The following CFTR variants were observed in gnomAD, a reference collection of about 807,000 sequenced individuals.
The protein encoded by CFTR is cystic fibrosis transmembrane conductance regulator.
A neutral mutation model predicts 171.6 loss-of-function variants in CFTR; 181 were observed. The observed-to-expected ratio is 1.05, with a 90% confidence interval of 0.93 to 1.19. CFTR has a LOEUF of 1.19. Among genes scored for constraint, CFTR ranks in the 50% most tolerant of loss-of-function variants. The probability of loss-of-function intolerance (pLI) is 0.00; values close to 1 mark genes in which losing one functional copy is unlikely to be tolerated. For synonymous variants in CFTR, 583 were observed against 608.0 expected, an observed-to-expected ratio of 0.96 and a Z score of 0.60; for missense variants, 1,968 against 1,734.7, an observed-to-expected ratio of 1.13 and a Z score of -2.39.
In CFTR at chr7:117,614,862, AT is replaced by A. The variant is rs1792461986; in HGVS notation, c.3468+151del. On this transcript the variant is annotated intron_variant, in intron 21 of 26. Coordinates refer to ENST00000003084, the MANE Select transcript of CFTR (RefSeq NM_000492.4). ...AATTGAGGGTCACTGTGTATCTGTC[AT>A]TAAATCCTTATCTCTTCTTTCCTTC... 2.4e-5 allele frequency: 16 copies of A among 660,486 alleles called. No individual in the cohort carries two copies. In the South Asian group the frequency reaches 2.6e-4, roughly 11 times the overall value. 40.9% of individuals were successfully genotyped at this position (660,486 alleles called of 1,614,324 possible). A position where few individuals can be genotyped will look rare whatever the true frequency, so the allele number is the denominator to read the frequency against.
At chr7:117,490,354 C>CACAA (rs767133170) in intron 1 of CFTR, among the ~76,000 whole-genome samples, 12 of 146,056 alleles carry the variant, frequency 8.2e-5, no homozygotes, top group African/African-American at 2.7e-4. Flanking sequence ...CACACACACA[C>CACAA]AATTTATTAT....
intron 23 of CFTR, among the ~76,000 whole-genome samples, chr7:117,649,797 T>A (rs1793060965): frequency 6.6e-6 from 1 of 152,092 alleles, no homozygotes; most frequent in South Asian, 2.1e-4. Flanking sequence ...TAATACTCAT[T>A]GTAAGCTATG....
chr7:117,570,964 C>T (rs1427993627), intron 11 of CFTR, among the ~76,000 whole-genome samples: 1 of 152,152 alleles, frequency 6.6e-6, no homozygotes, highest in African/African-American at 2.4e-5. Context: ...TTTGGGAAAA[C>T]CACCTATTCT....
chr7:117,640,858 T>C (rs764313481), intron 22 of CFTR, among the ~76,000 whole-genome samples: 3 of 152,196 alleles, frequency 2.0e-5, no homozygotes, highest in Non-Finnish European at 2.9e-5. Flanking sequence ...AATCCATCCA[T>C]TCTTCCATCT....
intron 15 of CFTR, among the ~76,000 whole-genome samples, chr7:117,597,214 C>T (rs1792144613): frequency 6.6e-6 from 1 of 152,198 alleles, no homozygotes; most frequent in South Asian, 2.1e-4. Flanking sequence ...AGCTTCACTC[C>T]TGAAGCCAGC....
rs371805001 is a variant in CFTR at position 117,611,108 on chromosome 7, A to G, written c.3139+439A>G. On this transcript the variant is annotated intron_variant, in intron 19 of 26. Transcript: ENST00000003084. ...GCCATTTCGTGTGCCCCCAAACTCT[A>G]CTTGAGCTGTTAGGGAATCACATTT... is the stretch of plus-strand genomic sequence containing the variant. Among the ~76,000 whole-genome samples, 17 of 152,214 alleles carry G rather than the reference A, an allele frequency of 1.1e-4. No individual in the cohort carries two copies. In the East Asian group the frequency reaches 2.3e-3, roughly 21 times the overall value.
At chr7:117,570,150 G>A (rs1182082908) in intron 11 of CFTR, among the ~76,000 whole-genome samples, 1 of 148,458 alleles carries the variant, frequency 6.7e-6, no homozygotes, top group African/African-American at 2.5e-5. Flanking sequence ...TATTACTATA[G>A]AGCCATCCAC....
intron 26 of CFTR, among the ~76,000 whole-genome samples, chr7:117,666,084 C>T (rs1793372537): frequency 6.6e-6 from 1 of 152,144 alleles, no homozygotes; most frequent in Admixed American, 6.5e-5. Context: ...CATGGCCAGG[C>T]ACAGTGGCTT....
intron 1 of CFTR, among the ~76,000 whole-genome samples, chr7:117,486,328 T>C (rs553754429): frequency 6.6e-6 from 1 of 152,280 alleles, no homozygotes; most frequent in South Asian, 2.1e-4. Flanking sequence ...TTCTGTATTC[T>C]ATGTGAGACG....
At chr7:117,611,870 G>A in intron 20 of CFTR, 62 bp downstream of exon 20, 1 of 1,127,068 alleles carries the variant, frequency 8.9e-7, no homozygotes. Flanking sequence ...TGAATAAAAT[G>A]CTGCATTCTA....
intron 7 of CFTR, among the ~76,000 whole-genome samples, chr7:117,539,063 C>T (rs1306168111): frequency 6.6e-6 from 1 of 152,136 alleles, no homozygotes; most frequent in African/African-American, 2.4e-5. Context: ...TATGCCATGG[C>T]ACAGCTGTTG....
At chr7:117,639,266 G>A (rs1200299568) in intron 22 of CFTR, among the ~76,000 whole-genome samples, 2 of 152,188 alleles carry the variant, frequency 1.3e-5, no homozygotes, top group East Asian at 1.9e-4. Flanking sequence ...CATGAAAAAT[G>A]TAGCAGCTAT....
At chr7:117,506,733 A>G (rs1023304615) in intron 2 of CFTR, among the ~76,000 whole-genome samples, 1 of 152,214 alleles carries the variant, frequency 6.6e-6, no homozygotes. Flanking sequence ...GATTCAATTT[A>G]AAAAATATAC....
intron 17 of CFTR, among the ~76,000 whole-genome samples, chr7:117,604,134 G>A (rs1040551018): frequency 2.0e-5 from 3 of 152,030 alleles, no homozygotes; most frequent in Non-Finnish European, 2.9e-5. Context: ...GCTCAAAAGG[G>A]CAGGAGATTT....
At chr7:117,617,718 A>G (rs1053646261) in intron 21 of CFTR, among the ~76,000 whole-genome samples, 2 of 152,056 alleles carry the variant, frequency 1.3e-5, no homozygotes, top group African/African-American at 2.4e-5. Context: ...GGAGCAAGTA[A>G]TATGCAATAC....
At chr7:117,554,857 G>T (rs1020198854) in intron 10 of CFTR, among the ~76,000 whole-genome samples, 1 of 152,112 alleles carries the variant, frequency 6.6e-6, no homozygotes, top group South Asian at 2.1e-4. Context: ...GTGACTTAAT[G>T]AAAGCAATAG....
intron 1 of CFTR, among the ~76,000 whole-genome samples, chr7:117,499,801 A>G (rs1028638582): frequency 6.6e-6 from 1 of 151,952 alleles, no homozygotes; most frequent in African/African-American, 2.4e-5. Context: ...ACAAAAACAA[A>G]CAAACAAACA....
chr7:117,521,231 C>T (rs1201903363), intron 3 of CFTR, among the ~76,000 whole-genome samples: 2 of 152,096 alleles, frequency 1.3e-5, no homozygotes, highest in Middle Eastern at 3.6e-3. Context: ...ACATTTGTTA[C>T]ACAATCATAT....
At chr7:117,635,985 TTTC>T (rs1455977436) in intron 22 of CFTR, among the ~76,000 whole-genome samples, 16 of 152,298 alleles carry the variant, frequency 1.1e-4, no homozygotes, top group Non-Finnish European at 1.9e-4. Flanking sequence ...TAGATCCAAG[TTTC>T]TGACCTGTAT....
Sources: gnomAD v4.1 joint callset for allele counts (sites outside exome capture counted in the v4.1 genomes callset) on GRCh38, gnomAD v4.1.1 for gene constraint, MANE v1.5 for transcripts, NCBI Gene and HGNC (gene_info 2026-07-23, HGNC 2026-07-21) for gene names.